The following CTPS2 variants were observed in gnomAD, a reference collection of about 807,000 sequenced individuals.
The protein encoded by CTPS2 is CTP synthase II.
In CTPS2, 19 loss-of-function variants were observed where a neutral mutation model predicts 46.8. The observed-to-expected ratio is 0.41, with a 90% confidence interval of 0.28 to 0.60. The LOEUF (loss-of-function observed/expected upper bound fraction) is 0.60, where lower values mean the gene tolerates loss of function less well. CTPS2 is among the 20% of genes least tolerant of loss of function. CTPS2 has a pLI of 0.35. For missense variants in CTPS2, 286 were observed against 447.6 expected, an observed-to-expected ratio of 0.64 and a Z score of 3.26; for synonymous variants, 151 against 165.2, an observed-to-expected ratio of 0.91 and a Z score of 0.66.
intron 4 of CTPS2, among the ~76,000 whole-genome samples, chrX:16,694,426 C>A (rs1458686413): frequency 9.0e-6 from 1 of 111,480 alleles, no homozygotes. Context: ...GGAGGGCAGA[C>A]TCTGACCCCC....
At chrX:16,696,795 CACTT>C (rs1807691829) in intron 4 of CTPS2, among the ~76,000 whole-genome samples, 1 of 111,624 alleles carries the variant, frequency 9.0e-6, no homozygotes, top group African/African-American at 3.2e-5. Context: ...TATCTGCTAA[CACTT>C]ACATTGATGA....
At chrX:16,696,548 A>T (rs1213484691) in intron 4 of CTPS2, among the ~76,000 whole-genome samples, 1 of 111,338 alleles carries the variant, frequency 9.0e-6, no homozygotes, top group Admixed American at 9.7e-5. Context: ...AAGAAATAAA[A>T]TTAAAAATTT....
At chrX:16,593,983 G>T (rs1929093316) in intron 17 of CTPS2, among the ~76,000 whole-genome samples, 1 of 111,435 alleles carries the variant, frequency 9.0e-6, no homozygotes, top group Non-Finnish European at 1.9e-5. Flanking sequence ...AACATTTTGT[G>T]TCATAGAATT....
At chrX:16,645,139 T>C (rs112838779) in intron 13 of CTPS2, among the ~76,000 whole-genome samples, 4,151 of 108,667 alleles carry the variant, frequency 0.038, 216 homozygotes, top group African/African-American at 0.13. Context: ...CCCGCCACCA[T>C]GCCCGGCTAA....
At chrX:16,604,927 T>A (rs1444533072) in intron 17 of CTPS2, among the ~76,000 whole-genome samples, 1 of 112,309 alleles carries the variant, frequency 8.9e-6, no homozygotes, top group African/African-American at 3.2e-5. Flanking sequence ...ATTTCCCATT[T>A]GATTTTTTTA....
Position 16,614,105 on chromosome X carries a change from TA to T in CTPS2, c.1546+3044del, listed in dbSNP as rs553773503. ...TAACACTAATGATAGCTGATGAGCT[TA>T]AAAAAAAATTGCAAAAAAATCTCAT... is the stretch of plus-strand genomic sequence containing the variant. On this transcript the variant is annotated intron_variant, in intron 16 of 18. Transcript: ENST00000359276. Among the ~76,000 whole-genome samples the T allele has an allele frequency of 1.0e-3, 110 of 110,258 alleles. 1 individual carries two copies. The South Asian group carries it at 0.038, about 38-fold the overall frequency.
chrX:16,612,035 A>T (rs1366636698), intron 16 of CTPS2, among the ~76,000 whole-genome samples: 2 of 112,119 alleles, frequency 1.8e-5, no homozygotes, highest in Non-Finnish European at 3.8e-5. Context: ...GAGCAATGTA[A>T]TCATGTAATA....
At chrX:16,620,998 T>TAAA (rs1210785491) in intron 14 of CTPS2, among the ~76,000 whole-genome samples, 5 of 111,716 alleles carry the variant, frequency 4.5e-5, no homozygotes, top group African/African-American at 1.3e-4. Context: ...TAATAGCAAA[T>TAAA]AATTGGAAGC....
chrX:16,678,123 T>G (rs1922432405), intron 10 of CTPS2, among the ~76,000 whole-genome samples: 1 of 111,855 alleles, frequency 8.9e-6, no homozygotes, highest in Non-Finnish European at 1.9e-5. Context: ...TCAACACACT[T>G]TCCCACAGTA....
At chrX:16,688,923 G>A (rs1357653271) in intron 8 of CTPS2, among the ~76,000 whole-genome samples, 1 of 105,729 alleles carries the variant, frequency 9.5e-6, no homozygotes, top group African/African-American at 3.6e-5. Context: ...GAAAAATCCC[G>A]TCTCTACAAA....
chrX:16,601,210 A>C (rs1019677585), intron 17 of CTPS2, among the ~76,000 whole-genome samples: 9 of 111,457 alleles, frequency 8.1e-5, no homozygotes, highest in African/African-American at 2.6e-4. Context: ...GATTTGTGCA[A>C]GGGAAAAGAG....
chrX:16,638,254 C>CA (rs1185750089), intron 14 of CTPS2, among the ~76,000 whole-genome samples: 1,317 of 37,668 alleles, frequency 0.035, 10 homozygotes, highest in Middle Eastern at 0.078. Context: ...GACTCTGTCT[C>CA]AAAAAAAAAA....
Position 16,588,743 on chromosome X carries a change from G to A in CTPS2, c.*1074C>T, listed in dbSNP as rs1928741517. On this transcript the variant is annotated 3_prime_UTR_variant, in exon 19 of 19. Transcript: ENST00000359276. ...AGTGTGTACAGGCATTTATTTTGGA[G>A]TGATGAAAATGTTTTGGAAATAGTT... is the stretch of plus-strand genomic sequence containing the variant. 1 of 112,528 alleles carries A rather than the reference G, an allele frequency of 8.9e-6. No homozygotes were observed. The highest frequency in any genetic ancestry group is 3.2e-5 in the African/African-American group (1 of 30,998). 9.3% of individuals were successfully genotyped at this position (112,528 alleles called of 1,213,427 possible).
At chrX:16,684,507 T>C (rs1480426971) in intron 8 of CTPS2, among the ~76,000 whole-genome samples, 4 of 71,411 alleles carry the variant, frequency 5.6e-5, no homozygotes, top group Non-Finnish European at 9.7e-5. Context: ...AGACTCTGTC[T>C]CCAAAAAAAA....
chrX:16,598,208 A>G (rs888788277), intron 17 of CTPS2, among the ~76,000 whole-genome samples: 42 of 111,894 alleles, frequency 3.8e-4, no homozygotes, highest in Middle Eastern at 9.3e-3. Flanking sequence ...AACTAAAATC[A>G]GAGCAGAACT....
intron 13 of CTPS2, chrX:16,654,364 T>C (rs1239599396): frequency 2.1e-6 from 2 of 937,870 alleles, no homozygotes; most frequent in East Asian, 6.4e-5. Flanking sequence ...TGATTCATTT[T>C]TTCTCCCCTC....
At chrX:16,661,993 C>CAT (rs5901592) in intron 13 of CTPS2, among the ~76,000 whole-genome samples, 1,110 of 85,218 alleles carry the variant, frequency 0.013, 11 homozygotes, top group South Asian at 0.056. Context: ...ATTGTTCATT[C>CAT]ATATATATAT....
At chrX:16,684,307 G>C (rs746785696) in intron 8 of CTPS2, among the ~76,000 whole-genome samples, 2 of 110,083 alleles carry the variant, frequency 1.8e-5, no homozygotes, top group South Asian at 7.8e-4. Flanking sequence ...TCAGGAGTTC[G>C]AGACCATCCT....
At position 16,596,544 on chromosome X, in the gene CTPS2, A is replaced by G. The variant is rs1280678161; in HGVS notation, c.1692-5682T>C. On this transcript the variant is annotated intron_variant, in intron 17 of 18. Transcript: ENST00000359276. ...AACTCATCATTTTTTATGGCTGCAT[A>G]GTATTCCATGGTGTATATGTGCCAC... is the stretch of plus-strand genomic sequence containing the variant. Among the ~76,000 whole-genome samples the G allele has an allele frequency of 3.9e-4, 43 of 110,561 alleles. No homozygotes were observed. The Admixed American group carries it at 4.2e-3, about 11-fold the overall frequency.
Sources: allele counts gnomAD v4.1 joint callset (sites outside exome capture counted in the v4.1 genomes callset), GRCh38; gene constraint gnomAD v4.1.1; transcripts MANE v1.5; gene names NCBI Gene and HGNC (gene_info 2026-07-23, HGNC 2026-07-21).